FBXO11: variants seen among roughly 807,000 people sequenced by gnomAD.
FBXO11 encodes the protein F-box protein 11.
FBXO11 carries 13 observed loss-of-function variants against 117.0 expected under a neutral mutation model. The ratio of observed to expected loss-of-function variants is 0.11; its 90% CI spans 0.07 to 0.18. The LOEUF (loss-of-function observed/expected upper bound fraction) is 0.18, where lower values mean the gene tolerates loss of function less well. Among genes scored for constraint, FBXO11 ranks in the 10% least tolerant of loss-of-function variants. The probability of loss-of-function intolerance (pLI) is 1.00; values close to 1 mark genes in which losing one functional copy is unlikely to be tolerated. For synonymous variants in FBXO11, 490 were observed against 380.5 expected, an observed-to-expected ratio of 1.29 and a Z score of -3.35; for missense variants, 767 against 1,164.4, an observed-to-expected ratio of 0.66 and a Z score of 4.97.
chr2:47,843,071 T>C (rs1305758985), intron 1 of FBXO11, among the ~76,000 whole-genome samples: 1 of 152,170 alleles, frequency 6.6e-6, no homozygotes, highest in Non-Finnish European at 1.5e-5. Flanking sequence ...ATTATAGCTG[T>C]GAGTCAATGT....
At chr2:47,813,666 C>G (rs544153022) in intron 17 of FBXO11, 125 bp downstream of exon 17, 2 of 712,078 alleles carry the variant, frequency 2.8e-6, no homozygotes, top group Non-Finnish European at 4.7e-6. Flanking sequence ...CTCCTGACCT[C>G]GGGTGATCCA....
At position 47,807,602 on chromosome 2, in the gene FBXO11, G is replaced by A; in HGVS notation, c.*516C>T. 4.6e-6 allele frequency: 1 copy of A among 217,386 alleles called. No homozygotes were observed. The highest frequency in any genetic ancestry group is 9.3e-6 in the Non-Finnish European group (1 of 107,986). The allele number at this position is 217,386 out of a possible 1,614,324, so 13.5% of individuals were successfully genotyped here. On this transcript the variant is annotated 3_prime_UTR_variant, in exon 23 of 23. Transcript: ENST00000403359. ...ATTCAAGTACAGTAAGATTTTGCTT[G>A]AAATTAAAAACAAACTACATGAGAT...
At chr2:47,815,297 C>T (rs556779682) in intron 16 of FBXO11, among the ~76,000 whole-genome samples, 1 of 152,184 alleles carries the variant, frequency 6.6e-6, no homozygotes, top group South Asian at 2.1e-4. Flanking sequence ...TGTACAATTC[C>T]CCTTCCCCTG....
intron 1 of FBXO11, among the ~76,000 whole-genome samples, chr2:47,893,603 T>A (rs560973501): frequency 6.6e-6 from 1 of 152,220 alleles, no homozygotes; most frequent in African/African-American, 2.4e-5. Context: ...TTATTTAAAC[T>A]CAGTTTCTTA....
intron 13 of FBXO11, among the ~76,000 whole-genome samples, chr2:47,822,013 A>G (rs1671425936): frequency 6.6e-6 from 1 of 152,114 alleles, no homozygotes; most frequent in African/African-American, 2.4e-5. Context: ...TTGAGCCCAG[A>G]AGTCTGAGGC....
chr2:47,905,804 GGAGA>G lies in FBXO11; in HGVS notation c.-88_-85del. The G allele has an allele frequency of 8.3e-7, 1 of 1,210,214 alleles. No individual in the cohort carries two copies. The highest frequency in any genetic ancestry group is 1.3e-5 in the South Asian group (1 of 75,396). 75.0% of individuals were successfully genotyped at this position (1,210,214 alleles called of 1,614,324 possible). On this transcript the variant is annotated 5_prime_UTR_variant, in exon 1 of 23. Transcript: ENST00000403359. ...GCTTCGGGGCAGGAGAAAGGGGTGG[GGAGA>G]GTGGGAGAGGGGGGAGGAAGGAGAG...
chr2:47,839,485 T>A lies in FBXO11; in HGVS notation c.376A>T (p.Thr126Ser), dbSNP rs17036993. Residue 126 changes from threonine to serine, a missense_variant, in exon 3 of 23, where the codon ACT becomes TCT. By Grantham distance (58) the Thr-to-Ser change is moderately conservative. Around this residue, in one of 10 missense-constraint regions of FBXO11, gnomAD observed 355 missense variants for 299.8 expected, o/e 1.18. Transcript: ENST00000403359. ...KNSMEGASTS[T>S]TENFGHRAKR... ...GCACGATGACCAAAGTTTTCTGTAG[T>A]TGAAGTTGAGGCGCCCTTCAAAAAC... 6,784 of 1,613,956 alleles carry A rather than the reference T, an allele frequency of 4.2e-3. 281 individuals carry two copies. In the African/African-American group the frequency reaches 0.08, roughly 19 times the overall value.
intron 7 of FBXO11, among the ~76,000 whole-genome samples, chr2:47,833,790 G>A (rs1258716744): frequency 1.3e-5 from 2 of 152,026 alleles, no homozygotes; most frequent in Non-Finnish European, 2.9e-5. Context: ...TCAGCCTCCA[G>A]AGTCGCTGGG....
In FBXO11 at chr2:47,834,652, A is replaced by C; in HGVS notation, c.861T>G (p.Leu287=). ...GGVQEAHFDG[L]IFVHSGIYTD... ...TATATATTCCAGAATGAACAAAGAT[A>C]AGTCCATCAAAATGAGCCTCTTGTA... The change falls in exon 7 of 23, where the codon CTT becomes CTG. Residue 287 remains leucine (L), a synonymous_variant. Coordinates refer to ENST00000403359, the MANE Select transcript of FBXO11 (RefSeq NM_001190274.2). 1 of 1,609,812 alleles carries C rather than the reference A, an allele frequency of 6.2e-7. No individual in the cohort carries two copies. The highest frequency in any genetic ancestry group is 8.5e-7 in the Non-Finnish European group (1 of 1,177,072).
chr2:47,892,859 T>G (rs1160391998), intron 1 of FBXO11, among the ~76,000 whole-genome samples: 1 of 151,998 alleles, frequency 6.6e-6, no homozygotes, highest in Non-Finnish European at 1.5e-5. Flanking sequence ...ATCTAGGCGT[T>G]TTTTTTTAAG....
At chr2:47,876,305 T>C (rs960743432) in intron 1 of FBXO11, among the ~76,000 whole-genome samples, 20 of 152,228 alleles carry the variant, frequency 1.3e-4, no homozygotes, top group Non-Finnish European at 2.4e-4. Context: ...AATTATGTAT[T>C]TGCAATCAAC....
chr2:47,825,327 T>C (rs1671669490), intron 11 of FBXO11, among the ~76,000 whole-genome samples: 1 of 152,112 alleles, frequency 6.6e-6, no homozygotes, highest in Non-Finnish European at 1.5e-5. Flanking sequence ...CGTCTTCAAA[T>C]ATAAAACTTT....
At chr2:47,878,910 C>T (rs1193209359) in intron 1 of FBXO11, among the ~76,000 whole-genome samples, 1 of 151,980 alleles carries the variant, frequency 6.6e-6, no homozygotes, top group Non-Finnish European at 1.5e-5. Context: ...ATTGGGGAGG[C>T]AGACATTGTA....
rs1356979746 is a variant in FBXO11 at position 47,854,257 on chromosome 2, T to C, written c.233-14488A>G. Among the ~76,000 whole-genome samples the C allele has an allele frequency of 4.2e-5, 6 of 142,754 alleles. No individual in the cohort carries two copies. In the Admixed American group the frequency reaches 4.3e-4, roughly 10 times the overall value. The allele number at this position is 142,754 out of a possible 152,430, so 93.7% of individuals were successfully genotyped here. Reference sequence around the variant, plus strand: ...CTGTCACCCAGGCTGTCCCCAGGACTTTTTTTTTTTTTTAAACCTACCTAT... The same window carrying C: ...CTGTCACCCAGGCTGTCCCCAGGACCTTTTTTTTTTTTTAAACCTACCTAT... On this transcript the variant is annotated intron_variant, in intron 1 of 22. Coordinates refer to ENST00000403359, the MANE Select transcript of FBXO11 (RefSeq NM_001190274.2).
chr2:47,890,920 T>A (rs1358661081), intron 1 of FBXO11, among the ~76,000 whole-genome samples: 1 of 152,092 alleles, frequency 6.6e-6, no homozygotes, highest in Non-Finnish European at 1.5e-5. Context: ...AGAGCTTAAG[T>A]GATCCTCCCA....
intron 1 of FBXO11, among the ~76,000 whole-genome samples, chr2:47,854,518 AAAT>A (rs1265804170): frequency 2.0e-5 from 3 of 152,088 alleles, no homozygotes; most frequent in African/African-American, 4.8e-5. Context: ...ATAAATAAAT[AAAT>A]AATAGAAAAC....
intron 16 of FBXO11, among the ~76,000 whole-genome samples, chr2:47,817,610 T>G (rs947050522): frequency 6.6e-6 from 1 of 152,232 alleles, no homozygotes; most frequent in Non-Finnish European, 1.5e-5. Flanking sequence ...AGCTTTTGAT[T>G]TAAAGTGAGA....
At chr2:47,873,015 T>C (rs1045823131) in intron 1 of FBXO11, among the ~76,000 whole-genome samples, 1 of 152,108 alleles carries the variant, frequency 6.6e-6, no homozygotes, top group Admixed American at 6.6e-5. Flanking sequence ...AAGGGTCTTG[T>C]TTAAAAAAGT....
At chr2:47,860,967 C>T (rs1674724173) in intron 1 of FBXO11, among the ~76,000 whole-genome samples, 1 of 151,654 alleles carries the variant, frequency 6.6e-6, no homozygotes, top group African/African-American at 2.4e-5. Flanking sequence ...CTGCCTCAGC[C>T]TCTGGAGTAG....
Sources: gnomAD v4.1 joint callset for allele counts (sites outside exome capture counted in the v4.1 genomes callset) on GRCh38, gnomAD v4.1.1 for gene constraint, gnomAD v4.1.1 regional missense constraint, MANE v1.5 for transcripts, NCBI Gene and HGNC (gene_info 2026-07-23, HGNC 2026-07-21) for gene names.